The following MAGI2 variants were observed in gnomAD, a reference collection of about 807,000 sequenced individuals.
MAGI2 encodes membrane associated guanylate kinase, WW and PDZ domain containing 2, also known as membrane-associated guanylate kinase, WW and PDZ domain-containing protein 2.
A neutral mutation model predicts 133.3 loss-of-function variants in MAGI2; 35 were observed. That is an observed-to-expected ratio of 0.26 (90% CI 0.20 to 0.35). The LOEUF (loss-of-function observed/expected upper bound fraction) is 0.35. MAGI2 is among the 10% of genes least tolerant of loss of function. MAGI2 has a pLI of 1.00. For missense variants in MAGI2, 1,636 were observed against 1,863.4 expected, an observed-to-expected ratio of 0.88 and a Z score of 2.25; for synonymous variants, 729 against 710.6, an observed-to-expected ratio of 1.03 and a Z score of -0.41.
intron 1 of MAGI2, among the ~76,000 whole-genome samples, chr7:79,162,609 A>G (rs1824479503): frequency 6.6e-6 from 1 of 152,088 alleles, no homozygotes; most frequent in South Asian, 2.1e-4. Context: ...CACTCCAACC[A>G]TAAGGAATTT....
chr7:78,132,112 C>A (rs991998981), intron 18 of MAGI2, among the ~76,000 whole-genome samples: 5 of 152,166 alleles, frequency 3.3e-5, no homozygotes, highest in African/African-American at 1.2e-4. Flanking sequence ...TGGGCTCAAG[C>A]AATCCTCACA....
chr7:78,978,432 C>T (rs989930126), intron 2 of MAGI2, among the ~76,000 whole-genome samples: 1 of 151,828 alleles, frequency 6.6e-6, no homozygotes, highest in Non-Finnish European at 1.5e-5. Context: ...ATGTACTCTA[C>T]ATGATTCTGT....
intron 12 of MAGI2, among the ~76,000 whole-genome samples, chr7:78,191,608 C>T (rs1693975615): frequency 6.6e-6 from 1 of 152,188 alleles, no homozygotes. Flanking sequence ...GAGTTGCCAC[C>T]TCTGGGCACT....
chr7:78,200,706 C>T (rs1829172155), intron 11 of MAGI2, among the ~76,000 whole-genome samples: 4 of 152,068 alleles, frequency 2.6e-5, no homozygotes, highest in Non-Finnish European at 5.9e-5. Context: ...GACACATACA[C>T]ACATGTAGCT....
intron 6 of MAGI2, among the ~76,000 whole-genome samples, chr7:78,392,599 C>T (rs1033856197): frequency 3.9e-5 from 6 of 152,082 alleles, no homozygotes; most frequent in Non-Finnish European, 7.4e-5. Context: ...ATAATTGCTA[C>T]ATTTTAGGAA....
At chr7:79,367,403 A>ATGGAG (rs1842770109) in intron 1 of MAGI2, among the ~76,000 whole-genome samples, 2 of 152,304 alleles carry the variant, frequency 1.3e-5, no homozygotes, top group African/African-American at 4.8e-5. Context: ...TTTAAACAAA[A>ATGGAG]TGGAGTGATT....
intron 2 of MAGI2, among the ~76,000 whole-genome samples, chr7:78,705,336 T>C (rs1297547060): frequency 6.6e-6 from 1 of 152,140 alleles, no homozygotes; most frequent in Non-Finnish European, 1.5e-5. Flanking sequence ...TGTTTCCTCT[T>C]TGCCTTGTGC....
At chr7:78,382,353 A>AAAAT (rs56271339) in intron 6 of MAGI2, among the ~76,000 whole-genome samples, 49,646 of 151,538 alleles carry the variant, frequency 0.33, 8,527 homozygotes, top group Middle Eastern at 0.43. Flanking sequence ...TCTTATTCAA[A>AAAAT]AAAAAAATGT....
At chr7:79,113,485 T>C (rs900696210) in intron 1 of MAGI2, among the ~76,000 whole-genome samples, 2 of 152,236 alleles carry the variant, frequency 1.3e-5, no homozygotes, top group African/African-American at 4.8e-5. Flanking sequence ...TAAGTTTTGC[T>C]GTCTGTACTT....
chr7:78,687,824 T>C (rs10262658), intron 2 of MAGI2, among the ~76,000 whole-genome samples: 78,191 of 150,978 alleles, frequency 0.52, 20,374 homozygotes, highest in Middle Eastern at 0.58. Context: ...CAAAAATTAG[T>C]TGGGCAGTAT....
At position 79,313,884 on chromosome 7, in the gene MAGI2, T is replaced by C. The variant is rs1386421827; in HGVS notation, c.301+139136A>G. ...GTGGCCCTATCTCAGTTAACTGCAA[T>C]CTCCACCTCCTGGGTTCAAGTGATT... On this transcript the variant is annotated intron_variant, in intron 1 of 21. Coordinates refer to ENST00000354212, the MANE Select transcript of MAGI2 (RefSeq NM_012301.4). 2.0e-5 allele frequency among the ~76,000 whole-genome samples: 3 copies of C among 151,096 alleles called. No individual in the cohort carries two copies. In the East Asian group the frequency reaches 5.9e-4, roughly 30 times the overall value.
chr7:78,089,475 G>C (rs1816972113), intron 20 of MAGI2, among the ~76,000 whole-genome samples: 1 of 152,186 alleles, frequency 6.6e-6, no homozygotes, highest in Admixed American at 6.5e-5. Flanking sequence ...CCAGACGAAG[G>C]CTTTAAGCAA....
At chr7:78,282,345 A>G (rs1050224014) in intron 9 of MAGI2, among the ~76,000 whole-genome samples, 1 of 152,104 alleles carries the variant, frequency 6.6e-6, no homozygotes, top group Admixed American at 6.6e-5. Context: ...TCTTAGACCA[A>G]GAGTCAGCAA....
chr7:78,709,739 C>T (rs1428705390), intron 2 of MAGI2, among the ~76,000 whole-genome samples: 1 of 152,194 alleles, frequency 6.6e-6, no homozygotes. Flanking sequence ...CATTTCTCAT[C>T]TTCAGCTGCT....
chr7:78,794,894 T>TG (rs1563514593), intron 2 of MAGI2, among the ~76,000 whole-genome samples: 1 of 152,022 alleles, frequency 6.6e-6, no homozygotes, highest in African/African-American at 2.4e-5. Flanking sequence ...TTATTCCTAA[T>TG]GAAAAAAAAA....
At chr7:78,375,362 G>A (rs1794342082) in intron 6 of MAGI2, among the ~76,000 whole-genome samples, 2 of 152,068 alleles carry the variant, frequency 1.3e-5, no homozygotes. Context: ...TTGGGAGGCG[G>A]TGTCTTGTAT....
chr7:79,414,626 T>C (rs543752597), intron 1 of MAGI2: 2 of 152,254 alleles, frequency 1.3e-5, no homozygotes, highest in African/African-American at 4.8e-5. Context: ...TTTGGTGCCT[T>C]ATCATTAAGT....
At chr7:78,599,873 T>C (rs1805002721) in intron 3 of MAGI2, among the ~76,000 whole-genome samples, 2 of 152,182 alleles carry the variant, frequency 1.3e-5, no homozygotes, top group Admixed American at 6.5e-5. Context: ...GGGGATGTCA[T>C]AGGTCATCTT....
chr7:79,406,093 AG>A (rs1317240361), intron 1 of MAGI2, among the ~76,000 whole-genome samples: 7 of 152,098 alleles, frequency 4.6e-5, no homozygotes, highest in African/African-American at 1.7e-4. Context: ...ATAACCTCAA[AG>A]TTTCCTGTGT....
Sources: gnomAD v4.1 joint callset for allele counts (sites outside exome capture counted in the v4.1 genomes callset) on GRCh38, gnomAD v4.1.1 for gene constraint, MANE v1.5 for transcripts, NCBI Gene and HGNC (gene_info 2026-07-23, HGNC 2026-07-21) for gene names.